Variants in CCBE1 observed in about 807,000 individuals in gnomAD.
CCBE1 encodes collagen and calcium binding EGF domains 1.
A neutral mutation model predicts 50.0 loss-of-function variants in CCBE1; 37 were observed. The ratio of observed to expected loss-of-function variants is 0.74; its 90% confidence interval spans 0.57 to 0.97. The LOEUF (loss-of-function observed/expected upper bound fraction) is 0.97. Among genes scored for constraint, CCBE1 ranks in the 50% least tolerant of loss-of-function variants. CCBE1 has a pLI of 0.00. For missense variants in CCBE1, 538 were observed against 523.8 expected, an observed-to-expected ratio of 1.03 and a Z score of -0.26; for synonymous variants, 234 against 203.7, an observed-to-expected ratio of 1.15 and a Z score of -1.27.
intron 2 of CCBE1, among the ~76,000 whole-genome samples, chr18:59,636,022 G>A (rs2053911655): frequency 6.6e-6 from 1 of 151,942 alleles, no homozygotes; most frequent in African/African-American, 2.4e-5. Flanking sequence ...ATTAGCTGGT[G>A]GGCACCTGTA....
intron 2 of CCBE1, among the ~76,000 whole-genome samples, chr18:59,506,525 A>G (rs1371215316): frequency 1.3e-5 from 2 of 152,236 alleles, no homozygotes; most frequent in African/African-American, 2.4e-5. Context: ...TGCTGGGCAG[A>G]CCACTTTCAG....
intron 2 of CCBE1, among the ~76,000 whole-genome samples, chr18:59,536,703 C>T (rs757744764): frequency 4.6e-5 from 7 of 152,118 alleles, no homozygotes; most frequent in African/African-American, 7.2e-5. Flanking sequence ...AATAAAGGAA[C>T]ATTTGGCTGG....
chr18:59,597,514 C>A (rs747880234), intron 2 of CCBE1, among the ~76,000 whole-genome samples: 1 of 152,030 alleles, frequency 6.6e-6, no homozygotes, highest in Non-Finnish European at 1.5e-5. Flanking sequence ...CTGTATGACC[C>A]AAGGCTCATT....
chr18:59,485,136 C>G (rs1327536067), intron 2 of CCBE1, among the ~76,000 whole-genome samples: 2 of 152,138 alleles, frequency 1.3e-5, no homozygotes, highest in African/African-American at 4.8e-5. Context: ...AATACAAATA[C>G]TTTTCTCATT....
intron 2 of CCBE1, among the ~76,000 whole-genome samples, chr18:59,586,388 T>C (rs1385698705): frequency 1.3e-5 from 2 of 152,246 alleles, no homozygotes; most frequent in East Asian, 3.9e-4. Flanking sequence ...TGTCTGGAAA[T>C]AGAAAAACAT....
intron 5 of CCBE1, chr18:59,465,365 C>T (rs9949965): frequency 0.37 from 55,519 of 151,916 alleles, 10,874 homozygotes; most frequent in East Asian, 0.67. Context: ...CTTCCCCCAT[C>T]CCTCCCCTTT....
chr18:59,601,247 A>T (rs763740818), intron 2 of CCBE1, among the ~76,000 whole-genome samples: 1 of 151,706 alleles, frequency 6.6e-6, no homozygotes, highest in African/African-American at 2.4e-5. Context: ...GGCTGTGTCC[A>T]CACTCAAATC....
chr18:59,548,425 G>A (rs1915790999), intron 2 of CCBE1, among the ~76,000 whole-genome samples: 1 of 152,306 alleles, frequency 6.6e-6, no homozygotes, highest in Admixed American at 6.5e-5. Flanking sequence ...GTGGGTTAGG[G>A]TGAATAGAGA....
In CCBE1 at chr18:59,645,848, G is replaced by A. The variant is rs1388391649; in HGVS notation, c.212+50781C>T. Among the ~76,000 whole-genome samples, 6 of 152,116 alleles carry A rather than the reference G, an allele frequency of 3.9e-5. 1 individual carries two copies. Among genetic ancestry groups the A allele is most frequent in the South Asian group, 4.1e-4 (2 of 4,824 alleles). ...AGATCGAGACCATCCTGGCTAACAC[G>A]GTGAAACCCCGTCTCTGCTAAAAAT... On this transcript the variant is annotated intron_variant, in intron 2 of 10. Transcript: ENST00000439986.
chr18:59,464,761 G>A (rs12454385), intron 5 of CCBE1: 57,369 of 152,194 alleles, frequency 0.38, 11,504 homozygotes, highest in East Asian at 0.67. Flanking sequence ...GCTGTTTGCT[G>A]TCCTCAGCTG....
intron 2 of CCBE1, among the ~76,000 whole-genome samples, chr18:59,493,635 T>G (rs1455526522): frequency 6.6e-6 from 1 of 152,204 alleles, no homozygotes; most frequent in Non-Finnish European, 1.5e-5. Flanking sequence ...CCCAGGCTGC[T>G]GGGCTCCAGA....
rs1314572751 is a variant in CCBE1 at position 59,454,870 on chromosome 18, A to G, written c.635T>C (p.Val212Ala). The G allele has an allele frequency of 1.2e-6, 2 of 1,614,120 alleles. No individual in the cohort carries two copies. Among genetic ancestry groups the G allele is most frequent in the East Asian group, 2.2e-5 (1 of 44,898 alleles). ...ACGTACCTTTTGCTTCAGCTGCAGC[A>G]CGGTCTGCTTCATCTGGTAGAACTC... ...CKEFYQMKQT[V>A]LQLKQKIALL... is the part of the protein sequence containing the mutation. Residue 212 changes from valine (V) to alanine (A), a missense_variant, in exon 6 of 11, where the codon GTG becomes GCG. Transcript: ENST00000439986.
intron 2 of CCBE1, among the ~76,000 whole-genome samples, chr18:59,650,513 G>T (rs1442380315): frequency 2.0e-5 from 3 of 151,726 alleles, no homozygotes. Context: ...CTGTTAGTGT[G>T]CGGGATAATC....
intron 5 of CCBE1, among the ~76,000 whole-genome samples, chr18:59,460,106 G>T (rs1911390503): frequency 1.3e-5 from 2 of 152,126 alleles, no homozygotes; most frequent in African/African-American, 4.8e-5. Context: ...GACTAAACTG[G>T]CTCCGGCTAC....
intron 2 of CCBE1, among the ~76,000 whole-genome samples, chr18:59,591,432 A>G (rs1447850870): frequency 2.0e-5 from 3 of 152,204 alleles, no homozygotes; most frequent in East Asian, 1.9e-4. Flanking sequence ...TGCATCATGT[A>G]TCACAAATTA....
rs7236862 is a variant in CCBE1, at chr18:59,520,614, C to T, written c.213-40376G>A. ...TGCAGTTTTACATGCTCATGTGCGC[C>T]TGCACACACACATGCCAATTAGCTG... On this transcript the variant is annotated intron_variant, in intron 2 of 10. Transcript: ENST00000439986. Among the ~76,000 whole-genome samples the T allele has an allele frequency of 2.0e-5, 3 of 151,992 alleles. No individual in the cohort carries two copies. The East Asian group carries it at 5.8e-4, about 29-fold the overall frequency.
At chr18:59,469,323 G>A in intron 4 of CCBE1, 150 bp downstream of exon 4, 2 of 1,108,070 alleles carry the variant, frequency 1.8e-6, no homozygotes, top group Non-Finnish European at 2.7e-6. Flanking sequence ...TTTAGTAATT[G>A]TGATGAAGGG....
intron 2 of CCBE1, among the ~76,000 whole-genome samples, chr18:59,514,361 T>C (rs1914270126): frequency 6.6e-6 from 1 of 152,126 alleles, no homozygotes; most frequent in South Asian, 2.1e-4. Flanking sequence ...CATCCGCACG[T>C]GGCCCTCCCA....
chr18:59,583,971 A>G (rs1405509487), intron 2 of CCBE1, among the ~76,000 whole-genome samples: 1 of 152,094 alleles, frequency 6.6e-6, no homozygotes, highest in Non-Finnish European at 1.5e-5. Context: ...AACAAGAAAT[A>G]CCATTTGACC....
Sources: gnomAD v4.1 joint callset for allele counts (sites outside exome capture counted in the v4.1 genomes callset) on GRCh38, gnomAD v4.1.1 for gene constraint, MANE v1.5 for transcripts, NCBI Gene and HGNC (gene_info 2026-07-23, HGNC 2026-07-21) for gene names.